The following ATP11A variants were observed in gnomAD, a reference collection of about 807,000 sequenced individuals.
The protein encoded by ATP11A is ATPase phospholipid transporting 11A, also known as phospholipid-transporting ATPase IH.
In ATP11A, 81 loss-of-function variants were observed where a neutral mutation model predicts 154.4. That is an observed-to-expected ratio of 0.52 (90% CI 0.44 to 0.63). The LOEUF (loss-of-function observed/expected upper bound fraction) is 0.63. ATP11A is among the 30% of genes least tolerant of loss of function. ATP11A has a pLI of 0.00. For synonymous variants in ATP11A, 623 were observed against 585.9 expected (o/e 1.06, Z -0.91); for missense variants, 1,316 against 1,474.3 (o/e 0.89, Z 1.76).
chr13:112,837,524 C>G (rs1183209190), intron 16 of ATP11A, among the ~76,000 whole-genome samples: 1 of 152,238 alleles, frequency 6.6e-6, no homozygotes, highest in African/African-American at 2.4e-5. Flanking sequence ...CTCCCAAATC[C>G]TGTGCCGTTC....
rs1373827001 is a variant in ATP11A at position 112,754,629 on chromosome 13, C to T, written c.40-30506C>T. 1 of 153,054 alleles carries T rather than the reference C, an allele frequency of 6.5e-6. No individual in the cohort carries two copies. Among genetic ancestry groups the T allele is most frequent in the African/African-American group, 2.4e-5 (1 of 41,446 alleles). The allele number at this position is 153,054 out of a possible 1,614,324, so 9.5% of individuals were successfully genotyped here. A position where few individuals can be genotyped will look rare whatever the true frequency, so the allele number is the denominator to read the frequency against. On this transcript the variant is annotated intron_variant, in intron 1 of 29. Transcript: ENST00000375645. The surrounding 1 kb of genome is among the most constrained non-coding windows in gnomAD (Gnocchi z 5.3). The stretch of plus-strand genomic sequence containing the variant: ...CAGGGCCTCCTGGAGAGGTTGAGCC[C>T]CAGACTCCTGGGAAGCTGTTCCCCC...
chr13:112,880,473 G>A lies in ATP11A; in HGVS notation c.*10-1403G>A, dbSNP rs79461906. ...TTCCTGCTGGGGTCCCACGGATGGTGCAGGCAGAGGCCCGAGCACTCCTGG... is the reference window on the plus strand; with the variant it reads ...TTCCTGCTGGGGTCCCACGGATGGTACAGGCAGAGGCCCGAGCACTCCTGG... On this transcript the variant is annotated intron_variant, in intron 29 of 29. Transcript: ENST00000375645. 5.4e-3 allele frequency: 6,537 copies of A among 1,210,498 alleles called. 273 individuals carry two copies. The African/African-American group carries it at 0.085, about 16-fold the overall frequency. 75.0% of individuals were successfully genotyped at this position (1,210,498 alleles called of 1,614,324 possible). A position where few individuals can be genotyped will look rare whatever the true frequency, so the allele number is the denominator to read the frequency against.
chr13:112,839,297 A>G (rs1221334571), intron 16 of ATP11A, among the ~76,000 whole-genome samples: 2 of 152,056 alleles, frequency 1.3e-5, no homozygotes, highest in Admixed American at 1.3e-4. Context: ...ATATTCATCT[A>G]TGAAAAAGAA....
rs962978640 is a variant in ATP11A at position 112,831,347 on chromosome 13, G to A, written c.1222-28G>A. The stretch of plus-strand genomic sequence containing the variant: ...GGGACGTGCGGGCCTCCCTCAGAGC[G>A]CCCTGACTTGCTGTGCCCTGCCCGC... On this transcript the variant is annotated intron_variant, in intron 12 of 29. Coordinates refer to ENST00000375645, the MANE Select transcript of ATP11A (RefSeq NM_015205.3). The A allele has an allele frequency of 6.7e-5, 107 of 1,606,856 alleles. 1 individual carries two copies. Among genetic ancestry groups the A allele is most frequent in the Middle Eastern group, 3.3e-4 (2 of 6,062 alleles).
intron 5 of ATP11A, among the ~76,000 whole-genome samples, chr13:112,812,575 A>G (rs1050310038): frequency 2.0e-5 from 3 of 152,204 alleles, no homozygotes; most frequent in Non-Finnish European, 4.4e-5. Context: ...TTCCCTGTCC[A>G]GTGGGACGGG....
At chr13:112,763,727 G>A (rs530368863) in intron 1 of ATP11A, among the ~76,000 whole-genome samples, 114 of 152,244 alleles carry the variant, frequency 7.5e-4, no homozygotes, top group Middle Eastern at 3.4e-3. Flanking sequence ...TCTTCGTGCC[G>A]AGCTTCACTC....
chr13:112,706,512 G>A (rs1012851931), intron 1 of ATP11A, among the ~76,000 whole-genome samples: 4 of 152,166 alleles, frequency 2.6e-5, no homozygotes, highest in Non-Finnish European at 5.9e-5. Context: ...CCAGGAGCTC[G>A]GTTCTGCTAA....
intron 9 of ATP11A, 101 bp downstream of exon 9, chr13:112,823,510 T>A: frequency 1.0e-6 from 1 of 962,550 alleles, no homozygotes; most frequent in Non-Finnish European, 1.6e-6. Flanking sequence ...TCTTGGCACC[T>A]TGAGGTGCTG....
intron 4 of ATP11A, 70 bp downstream of exon 4, chr13:112,806,363 G>T (rs1025495964): frequency 2.4e-6 from 3 of 1,247,380 alleles, no homozygotes; most frequent in Admixed American, 1.8e-5. Flanking sequence ...CATTCAAAGC[G>T]AGGTGATTGG....
intron 1 of ATP11A, among the ~76,000 whole-genome samples, chr13:112,719,000 G>C (rs1888833052): frequency 6.6e-6 from 1 of 152,184 alleles, no homozygotes; most frequent in Admixed American, 6.5e-5. Context: ...ATAGGACGTA[G>C]GGATTGAGGG....
intron 1 of ATP11A, among the ~76,000 whole-genome samples, chr13:112,766,824 G>A (rs1184924588): frequency 1.4e-4 from 2 of 14,002 alleles, no homozygotes; most frequent in African/African-American, 2.5e-3. Context: ...TGGGAAGGTG[G>A]GGAGATGTGG....
chr13:112,731,529 T>A (rs965685772), intron 1 of ATP11A, among the ~76,000 whole-genome samples: 1 of 152,192 alleles, frequency 6.6e-6, no homozygotes, highest in Non-Finnish European at 1.5e-5. Flanking sequence ...TTTTCTGTTT[T>A]ATTTATGAGT....
intron 1 of ATP11A, among the ~76,000 whole-genome samples, chr13:112,732,612 T>C (rs891594871): frequency 2.6e-5 from 4 of 152,236 alleles, no homozygotes; most frequent in African/African-American, 9.6e-5. Flanking sequence ...CTAGTTTGTT[T>C]GTTTGTTTAT....
At chr13:112,802,114 G>A (rs572795016) in intron 2 of ATP11A, among the ~76,000 whole-genome samples, 1 of 152,266 alleles carries the variant, frequency 6.6e-6, no homozygotes, top group East Asian at 1.9e-4. Context: ...GGAGGCCGAG[G>A]CGGGCGGATC....
chr13:112,795,953 T>C (rs2077988151), intron 2 of ATP11A, among the ~76,000 whole-genome samples: 1 of 152,246 alleles, frequency 6.6e-6, no homozygotes, highest in Non-Finnish European at 1.5e-5. Flanking sequence ...CTCTGAAGTC[T>C]ATGTGTTTCA....
chr13:112,826,285 A>C (rs925511234), intron 11 of ATP11A, among the ~76,000 whole-genome samples: 2 of 152,242 alleles, frequency 1.3e-5, no homozygotes, highest in African/African-American at 4.8e-5. Context: ...TATACTGAAA[A>C]GTCATTTCAC....
chr13:112,784,936 T>G (rs1269495367), intron 1 of ATP11A, among the ~76,000 whole-genome samples, 199 bp from the exon 2 acceptor site: 2 of 152,198 alleles, frequency 1.3e-5, no homozygotes, highest in Admixed American at 6.5e-5. Flanking sequence ...CAGAAGACCT[T>G]GGCCCATGAG....
intron 1 of ATP11A, among the ~76,000 whole-genome samples, chr13:112,725,304 C>G (rs1274211131): frequency 6.6e-6 from 1 of 152,144 alleles, no homozygotes; most frequent in Non-Finnish European, 1.5e-5. Context: ...GCAGAGTGAC[C>G]AAAAGAAGAC....
In ATP11A at chr13:112,785,294, T is replaced by G; in HGVS notation, c.162+37T>G. 1 of 1,400,526 alleles carries G rather than the reference T, an allele frequency of 7.1e-7. No homozygotes were observed. Among genetic ancestry groups the G allele is most frequent in the Non-Finnish European group, 9.4e-7 (1 of 1,067,224 alleles). 86.8% of individuals were successfully genotyped at this position (1,400,526 alleles called of 1,614,324 possible). On this transcript the variant is annotated intron_variant, in intron 2 of 29. Coordinates refer to ENST00000375645, the MANE Select transcript of ATP11A (RefSeq NM_015205.3). The surrounding 1 kb of genome is among the most constrained non-coding windows in gnomAD (Gnocchi z 4.8). Reference sequence around the variant, plus strand: ...TGGGTCTGAGTGTCCATAATGTGTCTAAAAAGCAGCTGCCGGGGGGTGTTA... The same window carrying G: ...TGGGTCTGAGTGTCCATAATGTGTCGAAAAAGCAGCTGCCGGGGGGTGTTA...
Sources: allele counts gnomAD v4.1 joint callset (sites outside exome capture counted in the v4.1 genomes callset), GRCh38; gene constraint gnomAD v4.1.1; non-coding constraint Gnocchi (gnomAD v3.1); transcripts MANE v1.5; gene names NCBI Gene and HGNC (gene_info 2026-07-23, HGNC 2026-07-21).